PLEKHM1: variants seen among roughly 807,000 people sequenced by gnomAD.
The protein encoded by PLEKHM1 is pleckstrin homology and RUN domain containing M1, also known as pleckstrin homology domain-containing family M member 1.
A neutral mutation model predicts 94.3 loss-of-function variants in PLEKHM1; 28 were observed. The ratio of observed to expected loss-of-function variants is 0.30; its 90% CI spans 0.22 to 0.41. The LOEUF (loss-of-function observed/expected upper bound fraction) is 0.41, where lower values mean the gene tolerates loss of function less well. PLEKHM1 is among the 10% of genes least tolerant of loss of function. The pLI is 1.00. For synonymous variants in PLEKHM1, 424 were observed against 581.2 expected (o/e 0.73, Z 3.89); for missense variants, 907 against 1,358.6 (o/e 0.67, Z 5.22).
At chr17:45,451,705 G>A (rs1334827206) in intron 7 of PLEKHM1, among the ~76,000 whole-genome samples, 1 of 152,044 alleles carries the variant, frequency 6.6e-6, no homozygotes, top group Non-Finnish European at 1.5e-5. Flanking sequence ...AGCCATGCCT[G>A]CTGGGTAGAA....
At chr17:45,471,834 G>A (rs2145300900) in intron 4 of PLEKHM1, among the ~76,000 whole-genome samples, 1 of 152,140 alleles carries the variant, frequency 6.6e-6, no homozygotes, top group South Asian at 2.1e-4. Context: ...CTGTGCCAGG[G>A]ACCATTCTAA....
Position 45,436,265 on chromosome 17 carries a change from C to T in PLEKHM1, c.*1593G>A, listed in dbSNP as rs763257284. On this transcript the variant is annotated 3_prime_UTR_variant, in exon 12 of 12. Transcript: ENST00000430334. Reference sequence around the variant, plus strand: ...TGACTAGGCTGGGCTTGTGGTGGAGCGTTAATGTGGGCCATGGCGGTGCAT... The same window carrying T: ...TGACTAGGCTGGGCTTGTGGTGGAGTGTTAATGTGGGCCATGGCGGTGCAT... The T allele has an allele frequency of 5.3e-5, 24 of 454,076 alleles. No homozygotes were observed. The highest frequency in any genetic ancestry group is 2.2e-4 in the African/African-American group (11 of 50,006). The allele number at this position is 454,076 out of a possible 1,614,324, so 28.1% of individuals were successfully genotyped here.
At position 45,475,161 on chromosome 17, in the gene PLEKHM1, T is replaced by G. The variant is rs1342359535; in HGVS notation, c.862A>C (p.Met288Leu). Reference sequence around the variant, plus strand: ...GTGCCCAGGTCTGAGTCACAGGACATGGGCTCCTCGCAATGGTCTGGACTC... The same window carrying G: ...GTGCCCAGGTCTGAGTCACAGGACAGGGGCTCCTCGCAATGGTCTGGACTC... ...SKSPDHCEEP[M>L]SCDSDLGTAN... Residue 288 changes from methionine (M) to leucine (L), a missense_variant, in exon 4 of 12, where the codon ATG becomes CTG. By Grantham distance (15) the Met-to-Leu change is conservative (BLOSUM62 2). This residue lies in a region of PLEKHM1 where 477 missense variants were observed against 601.5 expected (regional missense o/e 0.79). Coordinates refer to ENST00000430334, the MANE Select transcript of PLEKHM1 (RefSeq NM_014798.3). 1 of 1,614,006 alleles carries G rather than the reference T, an allele frequency of 6.2e-7. No individual in the cohort carries two copies. Among genetic ancestry groups the G allele is most frequent in the African/African-American group, 1.3e-5 (1 of 75,036 alleles).
chr17:45,443,493 C>T (rs1425819627), intron 9 of PLEKHM1, among the ~76,000 whole-genome samples: 13 of 152,256 alleles, frequency 8.5e-5, no homozygotes, highest in South Asian at 4.1e-4. Context: ...GCAGGCTGAG[C>T]GCCTAGCAGG....
In PLEKHM1 at chr17:45,447,109, T is replaced by C. The variant is rs1244404056; in HGVS notation, c.2644-1446A>G. 3.9e-5 allele frequency among the ~76,000 whole-genome samples: 6 copies of C among 152,296 alleles called. No homozygotes were observed. The East Asian group carries it at 1.2e-3, about 29-fold the overall frequency. ...TGGCAGGTGGCACATCCCCAGTAAATGTGAGCTGCTATCAGCTGCTGTGTG... is the reference window on the plus strand; with the variant it reads ...TGGCAGGTGGCACATCCCCAGTAAACGTGAGCTGCTATCAGCTGCTGTGTG... On this transcript the variant is annotated intron_variant, in intron 8 of 11. Transcript: ENST00000430334.
At chr17:45,441,960 G>A (rs1322083270) in intron 9 of PLEKHM1, among the ~76,000 whole-genome samples, 1 of 152,180 alleles carries the variant, frequency 6.6e-6, no homozygotes, top group African/African-American at 2.4e-5. Flanking sequence ...AAAGGGCCAG[G>A]CAAGGGCTGG....
chr17:45,489,869 G>A (rs2052253656), intron 1 of PLEKHM1, among the ~76,000 whole-genome samples: 1 of 152,116 alleles, frequency 6.6e-6, no homozygotes, highest in Non-Finnish European at 1.5e-5. Flanking sequence ...GTCAGCGGGG[G>A]TGAAAGGACA....
chr17:45,446,152 C>G (rs1286037745), intron 8 of PLEKHM1: 2 of 229,862 alleles, frequency 8.7e-6, no homozygotes, highest in African/African-American at 2.3e-5. Flanking sequence ...TGAGCTCCCT[C>G]GGCTCACACC....
At position 45,453,750 on chromosome 17, in the gene PLEKHM1, T is replaced by C. The variant is rs372997534; in HGVS notation, c.2102A>G (p.Tyr701Cys). The change falls in exon 7 of 12, where the codon TAT becomes TGT. Residue 701 changes from tyrosine (Y) to cysteine (C), a missense_variant. By Grantham distance (194) the Tyr-to-Cys change is radical. Around this residue, in one of 3 missense-constraint regions of PLEKHM1, gnomAD observed 477 missense variants for 601.5 expected, o/e 0.79. Transcript: ENST00000430334. The surrounding 1 kb of genome is among the most constrained non-coding windows in gnomAD (Gnocchi z 4.1). ...AGCCTCCAAGGACAGAGAAAATATATAGGGCATCCAGGTCCTGTCCATGTA... is the reference window on the plus strand; with the variant it reads ...AGCCTCCAAGGACAGAGAAAATATACAGGGCATCCAGGTCCTGTCCATGTA... ...YLYMDRTWMPYIFSLSLEALK... is the reference protein window; with the variant it reads ...YLYMDRTWMPCIFSLSLEALK... The C allele has an allele frequency of 1.3e-5, 21 of 1,613,820 alleles. No homozygotes were observed. The highest frequency in any genetic ancestry group is 2.2e-5 in the East Asian group (1 of 44,894).
chr17:45,460,038 A>C (rs1485477054), intron 5 of PLEKHM1: 1 of 151,768 alleles, frequency 6.6e-6, no homozygotes, highest in Non-Finnish European at 1.5e-5. Context: ...GGAGGAGAAA[A>C]GATACACAAA....
intron 5 of PLEKHM1, among the ~76,000 whole-genome samples, chr17:45,465,157 C>T (rs1369556974): frequency 6.6e-6 from 1 of 151,782 alleles, no homozygotes; most frequent in African/African-American, 2.4e-5. Context: ...GTGCTTGGTG[C>T]TGACAATACA....
chr17:45,472,882 G>A (rs2051562301), intron 4 of PLEKHM1, among the ~76,000 whole-genome samples: 1 of 152,160 alleles, frequency 6.6e-6, no homozygotes. Flanking sequence ...CTGAACCAAG[G>A]CGAGGGCACA....
chr17:45,437,192 TAA>T lies in PLEKHM1; in HGVS notation c.*664_*665del. 1 of 450,862 alleles carries T rather than the reference TAA, an allele frequency of 2.2e-6. No homozygotes were observed. The allele number at this position is 450,862 out of a possible 1,614,324, so 27.9% of individuals were successfully genotyped here. A position where few individuals can be genotyped will look rare whatever the true frequency, so the allele number is the denominator to read the frequency against. On this transcript the variant is annotated 3_prime_UTR_variant, in exon 12 of 12. Transcript: ENST00000430334. The surrounding 1 kb of genome is among the most constrained non-coding windows in gnomAD (Gnocchi z 4.0). ...AGGCGAGACGCACTGGGGTGGGGAG[TAA>T]AGAGGACACAGAGGAACCGGGGTCG...
In PLEKHM1 at chr17:45,445,405, G is replaced by A; in HGVS notation, c.2837+65C>T. 1 of 1,320,928 alleles carries A rather than the reference G, an allele frequency of 7.6e-7. No homozygotes were observed. The highest frequency in any genetic ancestry group is 1.2e-5 in the South Asian group (1 of 84,030). The allele number at this position is 1,320,928 out of a possible 1,614,324, so 81.8% of individuals were successfully genotyped here. The stretch of plus-strand genomic sequence containing the variant: ...TGTGTGTACATGTGCATATAAGTAT[G>A]TGTTTGTGTGCATGCATGTGCGTGT... On this transcript the variant is annotated intron_variant, in intron 9 of 11. Transcript: ENST00000430334. This position sits in a 1 kb window ranked among gnomAD's most constrained non-coding sequence, Gnocchi z 4.2.
chr17:45,454,141 G>A lies in PLEKHM1; in HGVS notation c.1711C>T (p.His571Tyr). The A allele has an allele frequency of 6.2e-7, 1 of 1,614,136 alleles. No individual in the cohort carries two copies. Among genetic ancestry groups the A allele is most frequent in the Non-Finnish European group, 8.5e-7 (1 of 1,180,046 alleles). ...EFRLYLSNEE[H>Y]TCVENCSLLR... ...AGCGAGCAGTTCTCCACACAGGTGT[G>A]CTCCTCGTTGCTCAGGTAGAGGCGG... The change falls in exon 7 of 12, where the codon CAC (histidine) becomes TAC (tyrosine). Residue 571 changes from histidine to tyrosine, a missense_variant. His to Tyr is a moderately conservative substitution (Grantham distance 83, BLOSUM62 2). Around this residue, in one of 3 missense-constraint regions of PLEKHM1, gnomAD observed 477 missense variants for 601.5 expected, o/e 0.79. Coordinates refer to ENST00000430334, the MANE Select transcript of PLEKHM1 (RefSeq NM_014798.3).
At chr17:45,474,687 T>G (rs1354895480) in intron 4 of PLEKHM1, among the ~76,000 whole-genome samples, 1 of 152,260 alleles carries the variant, frequency 6.6e-6, no homozygotes, top group African/African-American at 2.4e-5. Context: ...TTTCAGTTTT[T>G]GTTTTATTTA....
chr17:45,442,686 T>C (rs2050485629), intron 9 of PLEKHM1, among the ~76,000 whole-genome samples: 1 of 152,230 alleles, frequency 6.6e-6, no homozygotes, highest in African/African-American at 2.4e-5. Flanking sequence ...ATTACAGGCA[T>C]GAGCCACCGC....
At chr17:45,471,892 T>C (rs2051525677) in intron 4 of PLEKHM1, among the ~76,000 whole-genome samples, 1 of 152,176 alleles carries the variant, frequency 6.6e-6, no homozygotes, top group Non-Finnish European at 1.5e-5. Flanking sequence ...CCTATGCCAC[T>C]CAGTGATGAT....
At chr17:45,483,223 T>C (rs1000422232) in intron 1 of PLEKHM1, among the ~76,000 whole-genome samples, 24 of 151,990 alleles carry the variant, frequency 1.6e-4, no homozygotes, top group Admixed American at 1.6e-3. Context: ...AGATGGAGAA[T>C]GTGTAAAATG....
Sources: gnomAD v4.1 joint callset for allele counts (sites outside exome capture counted in the v4.1 genomes callset) on GRCh38, gnomAD v4.1.1 for gene constraint, gnomAD v4.1.1 regional missense constraint, Gnocchi (gnomAD v3.1) non-coding constraint, MANE v1.5 for transcripts, NCBI Gene and HGNC (gene_info 2026-07-23, HGNC 2026-07-21) for gene names.